Variants in PIGB observed in about 807,000 individuals in gnomAD.
The protein encoded by PIGB is GPI alpha-1,2-mannosyltransferase 3.
PIGB carries 58 observed loss-of-function variants against 68.4 expected under a neutral mutation model. The observed-to-expected ratio is 0.85, with a 90% confidence interval of 0.69 to 1.06. The LOEUF (loss-of-function observed/expected upper bound fraction) is 1.06. PIGB is among the 50% of genes least tolerant of loss of function. The probability of loss-of-function intolerance (pLI) is 0.00; values close to 1 mark genes in which losing one functional copy is unlikely to be tolerated. For synonymous variants in PIGB, 219 were observed against 220.5 expected (o/e 0.99, Z 0.06); for missense variants, 634 against 655.8 (o/e 0.97, Z 0.36).
chr15:55,343,863 C>T (rs780902471), intron 9 of PIGB, among the ~76,000 whole-genome samples: 19 of 152,160 alleles, frequency 1.2e-4, no homozygotes, highest in Admixed American at 6.5e-4. Flanking sequence ...ATTTGTACTT[C>T]CACTAACAGT....
intron 1 of PIGB, chr15:55,319,986 T>C: frequency 4.0e-6 from 1 of 250,260 alleles, no homozygotes; most frequent in Non-Finnish European, 7.7e-6. Context: ...CCTAATTAAT[T>C]AGCCTAAGGC....
At chr15:55,337,891 A>G (rs1408748139) in intron 6 of PIGB, among the ~76,000 whole-genome samples, 1 of 152,238 alleles carries the variant, frequency 6.6e-6, no homozygotes, top group East Asian at 1.9e-4. Flanking sequence ...CACAAGCACA[A>G]TGACTAAAGG....
intron 8 of PIGB, 123 bp from the exon 9 acceptor site, chr15:55,341,615 G>C (rs1407943594): frequency 3.0e-6 from 1 of 334,756 alleles, no homozygotes; most frequent in Non-Finnish European, 5.2e-6. Flanking sequence ...AAGAAATTCA[G>C]TCTGAATACT....
At chr15:55,327,682 T>C (rs1283520468) in intron 4 of PIGB, 47 bp downstream of exon 4, 1 of 1,105,666 alleles carries the variant, frequency 9.0e-7, no homozygotes, top group Non-Finnish European at 1.4e-6. Flanking sequence ...ATTTCGTTCC[T>C]ATGGGTATAA....
intron 8 of PIGB, among the ~76,000 whole-genome samples, chr15:55,341,169 T>A (rs1332644358): frequency 6.6e-6 from 1 of 152,028 alleles, no homozygotes; most frequent in Non-Finnish European, 1.5e-5. Context: ...ATGACCAGCC[T>A]GAGCAACATA....
At chr15:55,350,475 A>G (rs1207526372) in intron 9 of PIGB, 1 of 542,320 alleles carries the variant, frequency 1.8e-6, no homozygotes, top group African/African-American at 1.9e-5. Context: ...CTCCATAACC[A>G]TCATCTTTCC....
At chr15:55,337,562 A>G (rs891719518) in intron 6 of PIGB, among the ~76,000 whole-genome samples, 4 of 152,202 alleles carry the variant, frequency 2.6e-5, no homozygotes, top group Non-Finnish European at 5.9e-5. Context: ...TCCAGAAACC[A>G]TGCCCCACTC....
chr15:55,340,956 C>T, intron 8 of PIGB, 133 bp downstream of exon 8: 1 of 595,418 alleles, frequency 1.7e-6, no homozygotes, highest in African/African-American at 1.9e-5. Context: ...TTAGAAGATA[C>T]AAGTAGTAGT....
chr15:55,341,672 T>C, intron 8 of PIGB, 66 bp from the exon 9 acceptor site: 1 of 548,636 alleles, frequency 1.8e-6, no homozygotes, highest in Non-Finnish European at 3.0e-6. Context: ...TTAAATATAT[T>C]ACTTTCTCAA....
chr15:55,333,735 C>A (rs569333), intron 5 of PIGB, 132 bp from the exon 6 acceptor site: 250,919 of 603,614 alleles, frequency 0.42, 58,303 homozygotes, highest in African/African-American at 0.79. Context: ...CTGTCTCAAA[C>A]AAAACAAAAC....
intron 8 of PIGB, 30 bp downstream of exon 8, chr15:55,340,853 A>C (rs1363498756): frequency 7.5e-7 from 1 of 1,339,240 alleles, no homozygotes; most frequent in Admixed American, 2.5e-5. Context: ...AAAGGCTAAA[A>C]TTTTTTATGT....
At chr15:55,336,915 C>G (rs1315111778) in intron 6 of PIGB, among the ~76,000 whole-genome samples, 1 of 152,052 alleles carries the variant, frequency 6.6e-6, no homozygotes, top group Non-Finnish European at 1.5e-5. Flanking sequence ...GATTGAACCC[C>G]AGAGGTAGAC....
In PIGB at chr15:55,329,844, T is replaced by G. The variant is rs745621935; in HGVS notation, c.643T>G (p.Ser215Ala). ...CTACTATCCTTTGGAAGGTTCAAAG[T>G]CTATGAACAGGTAAGAAAAATTATT... ...LFYYPLEGSK[S>A]MNSVKYSSLV... The change falls in exon 5 of 12, where the codon TCT becomes GCT. Residue 215 changes from serine (S) to alanine (A), a missense_variant. Coordinates refer to ENST00000164305, the MANE Select transcript of PIGB (RefSeq NM_004855.5). 28 of 1,571,374 alleles carry G rather than the reference T, an allele frequency of 1.8e-5. No individual in the cohort carries two copies. In the South Asian group the frequency reaches 3.0e-4, roughly 17 times the overall value.
chr15:55,350,949 CTG>C (rs757975800), intron 10 of PIGB, 37 bp downstream of exon 10: 9 of 996,694 alleles, frequency 9.0e-6, no homozygotes, highest in Non-Finnish European at 4.5e-6. Context: ...TGTTAAGAAA[CTG>C]AAACTGACTA....
At chr15:55,336,000 T>G (rs2055526323) in intron 6 of PIGB, among the ~76,000 whole-genome samples, 1 of 149,834 alleles carries the variant, frequency 6.7e-6, no homozygotes, top group African/African-American at 2.5e-5. Flanking sequence ...CAGAAGTGAG[T>G]AAGATACAGT....
intron 6 of PIGB, among the ~76,000 whole-genome samples, chr15:55,335,770 T>G (rs1437131225): frequency 6.6e-6 from 1 of 152,110 alleles, no homozygotes; most frequent in Admixed American, 6.6e-5. Flanking sequence ...GTACTAAGTA[T>G]GCTGGGCATG....
At chr15:55,352,624 T>G (rs925620878) in intron 10 of PIGB, among the ~76,000 whole-genome samples, 1 of 151,998 alleles carries the variant, frequency 6.6e-6, no homozygotes, top group African/African-American at 2.4e-5. Flanking sequence ...CTGACTCTAC[T>G]AAAATACAAA....
intron 10 of PIGB, among the ~76,000 whole-genome samples, chr15:55,353,857 G>A (rs1406760847): frequency 6.6e-6 from 1 of 151,832 alleles, no homozygotes; most frequent in Non-Finnish European, 1.5e-5. Context: ...CACATGCCTT[G>A]GCCTCCCAAA....
chr15:55,336,481 C>T (rs1243316688), intron 6 of PIGB, among the ~76,000 whole-genome samples: 3 of 152,208 alleles, frequency 2.0e-5, no homozygotes, highest in Admixed American at 6.5e-5. Context: ...CTACCATAAA[C>T]GTGCTCAGAA....
Sources: gnomAD v4.1 joint callset for allele counts (sites outside exome capture counted in the v4.1 genomes callset) on GRCh38, gnomAD v4.1.1 for gene constraint, MANE v1.5 for transcripts, NCBI Gene and HGNC (gene_info 2026-07-23, HGNC 2026-07-21) for gene names.